The following EMILIN2 variants were observed in gnomAD, a reference collection of about 807,000 sequenced individuals.
The protein encoded by EMILIN2 is EMILIN-2.
A neutral mutation model predicts 87.1 loss-of-function variants in EMILIN2; 71 were observed. The observed-to-expected ratio is 0.82, with a 90% CI of 0.67 to 0.99. EMILIN2 has a LOEUF of 0.99. Among genes scored for constraint, EMILIN2 ranks in the 50% least tolerant of loss-of-function variants. EMILIN2 has a pLI of 0.00. For missense variants in EMILIN2, 1,407 were observed against 1,371.8 expected, an observed-to-expected ratio of 1.03 and a Z score of -0.40; for synonymous variants, 581 against 563.4, an observed-to-expected ratio of 1.03 and a Z score of -0.44.
chr18:2,886,841 A>G (rs2076805781), intron 3 of EMILIN2, among the ~76,000 whole-genome samples: 1 of 152,086 alleles, frequency 6.6e-6, no homozygotes, highest in Non-Finnish European at 1.5e-5. Context: ...TGTCCCCTCC[A>G]TATGTTCAGA....
chr18:2,850,400 C>CT (rs2076596052), intron 2 of EMILIN2, among the ~76,000 whole-genome samples: 1 of 150,810 alleles, frequency 6.6e-6, no homozygotes, highest in Non-Finnish European at 1.5e-5. Context: ...ACCTGAGGTT[C>CT]TTTTTTATTA....
In EMILIN2 at chr18:2,892,476, G is replaced by A. The variant is rs16943989; in HGVS notation, c.2349G>A (p.Gln783=). 0.15 allele frequency: 238,226 copies of A among 1,588,680 alleles called. 19,181 individuals carry two copies. Among genetic ancestry groups the A allele is most frequent in the South Asian group, 0.27 (24,511 of 90,328 alleles). The change falls in exon 4 of 8, where the codon CAG becomes CAA. Residue 783 remains glutamine (Q), a synonymous_variant. Transcript: ENST00000254528. ...ATTTGCAAGATCTGGTCAAATTTCA[G>A]CCATCAGCAAGTAAGTTGAATATTA... ...STDLQDLVKF[Q]PSAKAPSPPP...
chr18:2,891,085 A>C lies in EMILIN2; in HGVS notation c.958A>C (p.Ser320Arg), dbSNP rs149612261. 3,975 of 1,614,204 alleles carry C rather than the reference A, an allele frequency of 2.5e-3. 7 individuals carry two copies. Among genetic ancestry groups the C allele is most frequent in the Non-Finnish European group, 2.8e-3 (3,267 of 1,180,042 alleles). ...CGAACTCTACCAAGCCTATGTGGAC[A>C]GTAAGATCGACGCCCTGAGAGAGGA... is the stretch of plus-strand genomic sequence containing the variant. Reference protein sequence around the residue: ...TNELYQAYVDSKIDALREELM... With the variant: ...TNELYQAYVDRKIDALREELM... Residue 320 changes from serine to arginine, a missense_variant, in exon 4 of 8, where the codon AGT becomes CGT. Physicochemically the swap from Ser to Arg is moderately radical, Grantham distance 110 (BLOSUM62 -1). Transcript: ENST00000254528. The surrounding 1 kb of genome is among the most constrained non-coding windows in gnomAD (Gnocchi z 4.6).
intron 2 of EMILIN2, among the ~76,000 whole-genome samples, chr18:2,878,889 G>C (rs1435419533): frequency 1.3e-5 from 2 of 152,184 alleles, no homozygotes; most frequent in Non-Finnish European, 2.9e-5. Context: ...CTAAAAGTCG[G>C]CTCTCCAGAG....
chr18:2,890,602 TC>T lies in EMILIN2; in HGVS notation c.479del (p.Pro160GlnfsTer11), dbSNP rs756630787. 3 of 1,598,502 alleles carry T rather than the reference TC, an allele frequency of 1.9e-6. No homozygotes were observed. The highest frequency in any genetic ancestry group is 2.6e-6 in the Non-Finnish European group (3 of 1,168,262). ...ATTCTCAGAGCCCAGGAAGACTTTG[TC>T]CCCAACTGGTACAGCACAACCAAGC... is the stretch of plus-strand genomic sequence containing the variant. ...SQFSEPRKTL[S>X]PTGTAQPSWG... On this transcript the variant is annotated frameshift_variant, in exon 4 of 8. Transcript: ENST00000254528. LOFTEE classifies it high-confidence loss of function. This position sits in a 1 kb window ranked among gnomAD's most constrained non-coding sequence, Gnocchi z 4.7.
intron 2 of EMILIN2, among the ~76,000 whole-genome samples, chr18:2,873,504 G>A (rs2076731477): frequency 1.3e-5 from 2 of 151,736 alleles, no homozygotes; most frequent in Non-Finnish European, 2.9e-5. Flanking sequence ...TCAGGAGATC[G>A]AGACCATCCT....
chr18:2,891,142 G>A lies in EMILIN2; in HGVS notation c.1015G>A (p.Asp339Asn), dbSNP rs755678280. The change falls in exon 4 of 8, where the codon GAC (aspartate) becomes AAC (asparagine). Residue 339 changes from aspartate to asparagine, a missense_variant. By Grantham distance (23) the Asp-to-Asn change is conservative. Coordinates refer to ENST00000254528, the MANE Select transcript of EMILIN2 (RefSeq NM_032048.3). The surrounding 1 kb of genome is among the most constrained non-coding windows in gnomAD (Gnocchi z 4.6). ...LMEGMDRKLA[D>N]LKNSCEYKLT... is the part of the protein sequence containing the mutation. Reference sequence around the variant, plus strand: ...GGAGGGCATGGACAGAAAGCTGGCTGACCTGAAAAACTCATGTGAGTACAA... The same window carrying A: ...GGAGGGCATGGACAGAAAGCTGGCTAACCTGAAAAACTCATGTGAGTACAA... 33 of 1,614,080 alleles carry A rather than the reference G, an allele frequency of 2.0e-5. No homozygotes were observed. In the Admixed American group the frequency reaches 5.2e-4, roughly 25 times the overall value.
intron 2 of EMILIN2, among the ~76,000 whole-genome samples, chr18:2,856,266 C>T (rs1231516522): frequency 2.6e-5 from 4 of 152,108 alleles, no homozygotes; most frequent in Non-Finnish European, 4.4e-5. Context: ...TTAGAAATTG[C>T]ACTGGAAGCC....
At chr18:2,889,692 C>CTTTTTTTTTTTTTTT (rs34248672) in intron 3 of EMILIN2, among the ~76,000 whole-genome samples, 20 of 96,630 alleles carry the variant, frequency 2.1e-4, no homozygotes, top group Non-Finnish European at 2.4e-4. Context: ...TTTTTCTTTT[C>CTTTTTTTTTTTTTTT]TTTTTTTTTT....
intron 2 of EMILIN2, among the ~76,000 whole-genome samples, chr18:2,869,235 G>A (rs1183161558): frequency 6.6e-6 from 1 of 151,142 alleles, no homozygotes; most frequent in Non-Finnish European, 1.5e-5. Context: ...CCCTTTCACA[G>A]ATTTGAAGAG....
chr18:2,906,849 C>A lies in EMILIN2; in HGVS notation c.2426C>A (p.Pro809Gln). The change falls in exon 5 of 8, where the codon CCG becomes CAG. Residue 809 changes from proline to glutamine, a missense_variant. Transcript: ENST00000254528. ...CCGCTGCAGCCCGAGCCCGCCCCGCCGAGGCCCAGCGGCCCCGCAACCGCA... is the reference window on the plus strand; with the variant it reads ...CCGCTGCAGCCCGAGCCCGCCCCGCAGAGGCCCAGCGGCCCCGCAACCGCA... ...KEPLQPEPAP[P>Q]RPSGPATAED... 2 of 1,350,050 alleles carry A rather than the reference C, an allele frequency of 1.5e-6. No homozygotes were observed. Among genetic ancestry groups the A allele is most frequent in the South Asian group, 1.8e-5 (1 of 54,644 alleles). The allele number at this position is 1,350,050 out of a possible 1,614,324, so 83.6% of individuals were successfully genotyped here.
chr18:2,861,027 A>C (rs1021056050), intron 2 of EMILIN2, among the ~76,000 whole-genome samples: 72 of 152,222 alleles, frequency 4.7e-4, no homozygotes, highest in Non-Finnish European at 1.3e-4. Flanking sequence ...TGGCTGCATA[A>C]ATGTCTTCTT....
chr18:2,856,395 G>A (rs900464333), intron 2 of EMILIN2, among the ~76,000 whole-genome samples: 24 of 152,142 alleles, frequency 1.6e-4, no homozygotes, highest in Admixed American at 1.5e-3. Flanking sequence ...GCCTGGAGTA[G>A]GTCAGTAAAG....
chr18:2,870,512 T>C (rs1485844487), intron 2 of EMILIN2, among the ~76,000 whole-genome samples: 5 of 152,170 alleles, frequency 3.3e-5, no homozygotes, highest in Non-Finnish European at 5.9e-5. Context: ...ATCTAGCAAG[T>C]GAATTGAAAG....
chr18:2,898,161 C>T (rs537814066), intron 4 of EMILIN2, among the ~76,000 whole-genome samples: 16 of 152,316 alleles, frequency 1.1e-4, no homozygotes, highest in African/African-American at 2.9e-4. Flanking sequence ...TACCCCCACT[C>T]GAGTCTGAGT....
chr18:2,912,679 A>T (rs1304998703), intron 7 of EMILIN2, among the ~76,000 whole-genome samples: 1 of 152,176 alleles, frequency 6.6e-6, no homozygotes, highest in Non-Finnish European at 1.5e-5. Context: ...GGAGCCTGGC[A>T]TGGCCCCTGG....
chr18:2,865,202 C>CT (rs201275907), intron 2 of EMILIN2, among the ~76,000 whole-genome samples: 3,945 of 152,184 alleles, frequency 0.026, 140 homozygotes, highest in African/African-American at 0.089. Context: ...CTTCTGAAGC[C>CT]TTCTTCTCTC....
chr18:2,874,853 T>G (rs1418197469), intron 2 of EMILIN2, among the ~76,000 whole-genome samples: 1 of 152,248 alleles, frequency 6.6e-6, no homozygotes, highest in Admixed American at 6.5e-5. Flanking sequence ...TCTCCAGATT[T>G]TCGATGCTTC....
In EMILIN2 at chr18:2,880,099, AAC is replaced by A. The variant is rs1199039511; in HGVS notation, c.258-4862_258-4861del. ...GGCTTACAGTCTGGCAGGGAGGACA[AAC>A]ACGGAGTAAGCAAACACAAGTGTGA... On this transcript the variant is annotated intron_variant, in intron 2 of 7. Coordinates refer to ENST00000254528, the MANE Select transcript of EMILIN2 (RefSeq NM_032048.3). The surrounding 1 kb of genome is among the most constrained non-coding windows in gnomAD (Gnocchi z 4.1). Among the ~76,000 whole-genome samples the A allele has an allele frequency of 6.6e-6, 1 of 152,164 alleles. No homozygotes were observed. Among genetic ancestry groups the A allele is most frequent in the Non-Finnish European group, 1.5e-5 (1 of 68,016 alleles).
Sources: gnomAD v4.1 joint callset for allele counts (sites outside exome capture counted in the v4.1 genomes callset) on GRCh38, gnomAD v4.1.1 for gene constraint, Gnocchi (gnomAD v3.1) non-coding constraint, MANE v1.5 for transcripts, NCBI Gene and HGNC (gene_info 2026-07-23, HGNC 2026-07-21) for gene names.